The following TAFA4 variants were observed in gnomAD, a reference collection of about 807,000 sequenced individuals.
TAFA4 encodes chemokine-like protein TAFA-4.
Under a neutral mutation model 21.1 loss-of-function variants are expected in TAFA4, and 20 were observed. That is an observed-to-expected ratio of 0.95 (90% CI 0.67 to 1.38). The LOEUF is 1.38. Among genes scored for constraint, TAFA4 ranks in the 40% most tolerant of loss-of-function variants. TAFA4 has a pLI of 0.00. For missense variants in TAFA4, 211 were observed against 180.9 expected (o/e 1.17, Z -0.95); for synonymous variants, 71 against 67.4 (o/e 1.05, Z -0.26).
chr3:68,787,328 A>T (rs1447275265), intron 3 of TAFA4, among the ~76,000 whole-genome samples: 1 of 152,210 alleles, frequency 6.6e-6, no homozygotes, highest in Non-Finnish European at 1.5e-5. Context: ...CTGTTCATCC[A>T]TTAGGCTGAG....
intron 1 of TAFA4, among the ~76,000 whole-genome samples, chr3:68,896,596 A>G (rs1324902738): frequency 6.6e-6 from 1 of 152,202 alleles, no homozygotes; most frequent in Non-Finnish European, 1.5e-5. Context: ...TACAACAAAT[A>G]CTGACATAGA....
chr3:68,773,621 C>T (rs747444210), intron 3 of TAFA4, among the ~76,000 whole-genome samples: 11 of 152,144 alleles, frequency 7.2e-5, no homozygotes, highest in Non-Finnish European at 1.5e-4. Flanking sequence ...ATATGACTCA[C>T]TGAGTCACCT....
intron 3 of TAFA4, among the ~76,000 whole-genome samples, chr3:68,827,525 C>T (rs1361604962): frequency 6.6e-6 from 1 of 152,222 alleles, no homozygotes; most frequent in Non-Finnish European, 1.5e-5. Flanking sequence ...CTTCCTATTT[C>T]TCCACATCCT....
chr3:68,818,661 G>A (rs941740752), intron 3 of TAFA4, among the ~76,000 whole-genome samples: 3 of 152,182 alleles, frequency 2.0e-5, no homozygotes, highest in African/African-American at 4.8e-5. Context: ...GGAATAGGAA[G>A]GCCTAAGGAG....
chr3:68,869,334 AGAG>A (rs140116148), intron 3 of TAFA4, among the ~76,000 whole-genome samples: 3,086 of 152,190 alleles, frequency 0.02, 107 homozygotes, highest in African/African-American at 0.07. Flanking sequence ...AAAATGAAGA[AGAG>A]GTAATATGTG....
chr3:68,783,527 T>C (rs921779382), intron 3 of TAFA4, among the ~76,000 whole-genome samples: 4 of 152,176 alleles, frequency 2.6e-5, no homozygotes, highest in Non-Finnish European at 5.9e-5. Context: ...CTGAGGACTT[T>C]TCTCAAAGAA....
intron 3 of TAFA4, among the ~76,000 whole-genome samples, chr3:68,852,509 A>G (rs1704973606): frequency 6.6e-6 from 1 of 152,180 alleles, no homozygotes; most frequent in Admixed American, 6.5e-5. Context: ...CTGTTTCAAC[A>G]GTGCGTAAGG....
At chr3:68,806,585 A>T (rs4855515) in intron 3 of TAFA4, among the ~76,000 whole-genome samples, 101,215 of 151,968 alleles carry the variant, frequency 0.67, 34,185 homozygotes, top group East Asian at 0.98. Flanking sequence ...TGTTTACTGT[A>T]ATGGACTAAA....
intron 3 of TAFA4, among the ~76,000 whole-genome samples, chr3:68,794,938 A>T (rs1485909721): frequency 2.0e-5 from 3 of 151,860 alleles, no homozygotes; most frequent in Non-Finnish European, 4.4e-5. Context: ...ATGAAAAAAC[A>T]TATCCTACCA....
chr3:68,780,899 T>TAA (rs61272017), intron 3 of TAFA4, among the ~76,000 whole-genome samples: 1 of 146,428 alleles, frequency 6.8e-6, no homozygotes, highest in African/African-American at 2.5e-5. Flanking sequence ...TTCTAGGACA[T>TAA]AAAAAAAAAA....
At chr3:68,755,247 T>A (rs553339415) in intron 3 of TAFA4, among the ~76,000 whole-genome samples, 49 of 152,324 alleles carry the variant, frequency 3.2e-4, no homozygotes, top group African/African-American at 1.2e-3. Flanking sequence ...TTAAGGGTAA[T>A]TTACATTGGA....
intron 3 of TAFA4, among the ~76,000 whole-genome samples, chr3:68,792,303 T>C (rs1380684536): frequency 6.6e-6 from 1 of 152,172 alleles, no homozygotes; most frequent in Non-Finnish European, 1.5e-5. Context: ...AAATTAGCTA[T>C]GATTATACAT....
chr3:68,758,018 T>C (rs1168681349), intron 3 of TAFA4, among the ~76,000 whole-genome samples: 1 of 152,174 alleles, frequency 6.6e-6, no homozygotes, highest in Non-Finnish European at 1.5e-5. Context: ...TAAGAAAATG[T>C]ACAGAAATTA....
chr3:68,733,270 C>G, intron 5 of TAFA4, 117 bp from the exon 6 acceptor site: 1 of 1,305,306 alleles, frequency 7.7e-7, no homozygotes, highest in Non-Finnish European at 1.0e-6. Flanking sequence ...TGTACATTTA[C>G]CTATAACCGA....
chr3:68,739,198 A>T lies in TAFA4; in HGVS notation c.288T>A (p.Ala96=). 3.1e-6 allele frequency: 5 copies of T among 1,613,440 alleles called. No homozygotes were observed. Among genetic ancestry groups the T allele is most frequent in the Non-Finnish European group, 4.2e-6 (5 of 1,179,732 alleles). The change falls in exon 5 of 6, where the codon GCT becomes GCA. Residue 96 remains alanine, a splice_region_variant and synonymous_variant. Transcript: ENST00000295569. ...ACCACCATTTCTGAATCACAATGGA[A>T]GCTGGAAAACAAAGGCCAAATAATA... ...TTRAQPSCVE[A]SIVIQKWWCH... is the part of the protein sequence containing the mutation.
chr3:68,736,168 T>C (rs1183682923), intron 5 of TAFA4, among the ~76,000 whole-genome samples: 1 of 152,042 alleles, frequency 6.6e-6, no homozygotes, highest in African/African-American at 2.4e-5. Flanking sequence ...GCTAAGAAGA[T>C]ATCATACCCT....
intron 4 of TAFA4, among the ~76,000 whole-genome samples, chr3:68,745,236 T>C (rs562563831): frequency 6.6e-6 from 1 of 152,336 alleles, no homozygotes; most frequent in African/African-American, 2.4e-5. Context: ...TCAGCCTCAC[T>C]AGCAGGGACA....
At chr3:68,885,575 A>T (rs1396408649) in intron 1 of TAFA4, among the ~76,000 whole-genome samples, 1 of 152,208 alleles carries the variant, frequency 6.6e-6, no homozygotes, top group East Asian at 1.9e-4. Flanking sequence ...AGGGTATTCA[A>T]AATTTAACAG....
At chr3:68,848,019 C>A (rs1704849335) in intron 3 of TAFA4, among the ~76,000 whole-genome samples, 1 of 152,186 alleles carries the variant, frequency 6.6e-6, no homozygotes, top group Non-Finnish European at 1.5e-5. Context: ...ACTTTTGTAG[C>A]ATTTACTATA....
Sources: gnomAD v4.1 joint callset for allele counts (sites outside exome capture counted in the v4.1 genomes callset) on GRCh38, gnomAD v4.1.1 for gene constraint, MANE v1.5 for transcripts, NCBI Gene and HGNC (gene_info 2026-07-23, HGNC 2026-07-21) for gene names.